Variants in BIN2 observed in about 807,000 individuals in gnomAD.
The protein encoded by BIN2 is bridging integrator 2, also known as breast cancer associated protein BRAP1.
BIN2 carries 43 observed loss-of-function variants against 67.9 expected under a neutral mutation model. That is an observed-to-expected ratio of 0.63 (90% CI 0.50 to 0.82). The LOEUF (loss-of-function observed/expected upper bound fraction) is 0.82. Among genes scored for constraint, BIN2 ranks in the 40% least tolerant of loss-of-function variants. The pLI is 0.00. For missense variants in BIN2, 581 were observed against 671.6 expected (o/e 0.87, Z 1.49); for synonymous variants, 244 against 246.8 (o/e 0.99, Z 0.11).
chr12:51,312,991 G>A (rs1231075554), intron 2 of BIN2, among the ~76,000 whole-genome samples: 1 of 152,052 alleles, frequency 6.6e-6, no homozygotes. Flanking sequence ...CCAGCACTTC[G>A]GGAGGCCAAG....
intron 10 of BIN2, among the ~76,000 whole-genome samples, chr12:51,289,155 C>T (rs11169793): frequency 0.91 from 138,146 of 152,048 alleles, 64,237 homozygotes; most frequent in East Asian, 1. Flanking sequence ...ATACTTTTTT[C>T]CCATCCCATT....
chr12:51,305,351 C>A (rs575373169), intron 2 of BIN2, among the ~76,000 whole-genome samples: 1 of 151,536 alleles, frequency 6.6e-6, no homozygotes, highest in Non-Finnish European at 1.5e-5. Flanking sequence ...AAAGGCTGGG[C>A]GCAGTGGCTC....
chr12:51,284,669 C>T lies in BIN2; in HGVS notation c.1668+47G>A, dbSNP rs1249999461. 3 of 1,454,206 alleles carry T rather than the reference C, an allele frequency of 2.1e-6. No homozygotes were observed. In the South Asian group the frequency reaches 3.4e-5, roughly 17 times the overall value. 90.1% of individuals were successfully genotyped at this position (1,454,206 alleles called of 1,614,324 possible). ...TGAAGATTCCAGCCTTTTCCCAAAC[C>T]CCTGTCAATCTAATGCCCAATCTAT... is the stretch of plus-strand genomic sequence containing the variant. On this transcript the variant is annotated intron_variant, in intron 12 of 12. Transcript: ENST00000615107.
chr12:51,315,800 G>A (rs528105125), intron 1 of BIN2, among the ~76,000 whole-genome samples: 9 of 152,266 alleles, frequency 5.9e-5, no homozygotes, highest in East Asian at 3.9e-4. Context: ...GAGCCAAACC[G>A]TCATACTGAT....
At chr12:51,283,072 T>C (rs577849810) in intron 12 of BIN2, among the ~76,000 whole-genome samples, 1 of 151,274 alleles carries the variant, frequency 6.6e-6, no homozygotes, top group South Asian at 2.1e-4. Flanking sequence ...CTGACCAACA[T>C]GGTGAAACCC....
intron 2 of BIN2, among the ~76,000 whole-genome samples, chr12:51,306,972 GT>G (rs1417959669): frequency 6.6e-6 from 1 of 152,132 alleles, no homozygotes; most frequent in East Asian, 1.9e-4. Flanking sequence ...CCTTGAAAAA[GT>G]TTTGGGGATT....
At position 51,299,294 on chromosome 12, in the gene BIN2, TG is replaced by T. The variant is rs1299164020; in HGVS notation, c.517-7del. On this transcript the variant is annotated splice_polypyrimidine_tract_variant and splice_region_variant and intron_variant, in intron 6 of 12. Coordinates refer to ENST00000615107, the MANE Select transcript of BIN2 (RefSeq NM_016293.4). Reference sequence around the variant, plus strand: ...TTGTTGAACTCTTCCTCTGCCTAGGTGGTAAAAGAGACAAGACAATCTCCCT... The same window carrying T: ...TTGTTGAACTCTTCCTCTGCCTAGGTGTAAAAGAGACAAGACAATCTCCCT... 4.3e-6 allele frequency: 7 copies of T among 1,611,448 alleles called. No individual in the cohort carries two copies. The highest frequency in any genetic ancestry group is 5.9e-6 in the Non-Finnish European group (7 of 1,177,782).
chr12:51,305,272 G>T (rs1351659814), intron 2 of BIN2, among the ~76,000 whole-genome samples: 1 of 151,744 alleles, frequency 6.6e-6, no homozygotes, highest in East Asian at 1.9e-4. Flanking sequence ...GGAGGCAGAG[G>T]TGGCAGTGAG....
chr12:51,314,018 T>G (rs555528623), intron 1 of BIN2, 115 bp from the exon 2 acceptor site: 7 of 8,532 alleles, frequency 8.2e-4, no homozygotes, highest in African/African-American at 3.8e-3. Flanking sequence ...AGGGCTGTAC[T>G]TATTTATTTA....
upstream of BIN2, chr12:51,324,347 A>G: frequency 7.6e-7 from 1 of 1,318,892 alleles, no homozygotes; most frequent in Non-Finnish European, 1.0e-6. Flanking sequence ...CCAGCTTCCG[A>G]GCTCCAACCC....
rs759592373 is a variant in BIN2 at position 51,324,124 on chromosome 12, G to A, written c.-22C>T. ...CCATCCTGCCAACTCCCTGGGGGCC[G>A]CCGCCCTGGCCCCGCGCCCTGTGGT... On this transcript the variant is annotated 5_prime_UTR_variant, in exon 1 of 13. Coordinates refer to ENST00000615107, the MANE Select transcript of BIN2 (RefSeq NM_016293.4). 8.1e-6 allele frequency: 13 copies of A among 1,610,690 alleles called. No individual in the cohort carries two copies. The highest frequency in any genetic ancestry group is 8.0e-5 in the African/African-American group (6 of 74,738).
upstream of BIN2, chr12:51,324,562 T>G (rs1229417041): frequency 1.3e-6 from 2 of 1,515,972 alleles, no homozygotes; most frequent in East Asian, 5.0e-5. Flanking sequence ...GAAGCCGCCA[T>G]GTACACTGCG....
chr12:51,324,071 C>G lies in BIN2; in HGVS notation c.32G>C (p.Gly11Ala). The G allele has an allele frequency of 6.2e-7, 1 of 1,613,470 alleles. No individual in the cohort carries two copies. Among genetic ancestry groups the G allele is most frequent in the Non-Finnish European group, 8.5e-7 (1 of 1,179,692 alleles). The change falls in exon 1 of 13, where the codon GGC (glycine) becomes GCC (alanine). Residue 11 changes from glycine to alanine, a missense_variant. Physicochemically the swap from Gly to Ala is moderately conservative, Grantham distance 60. Coordinates refer to ENST00000615107, the MANE Select transcript of BIN2 (RefSeq NM_016293.4). MAEGKAGGAA[G>A]LFAKQVQKKF... ...CTTCTGCACCTGCTTGGCGAAGAGG[C>G]CGGCCGCGCCGCCTGCCTTGCCCTC...
intron 1 of BIN2, among the ~76,000 whole-genome samples, chr12:51,320,797 CAACA>C (rs1170042059): frequency 2.0e-5 from 3 of 151,722 alleles, no homozygotes; most frequent in African/African-American, 4.9e-5. Flanking sequence ...GAGTAGATGT[CAACA>C]GAGGAGAAGA....
At chr12:51,312,871 T>C (rs1014372980) in intron 2 of BIN2, among the ~76,000 whole-genome samples, 2 of 152,198 alleles carry the variant, frequency 1.3e-5, no homozygotes, top group Non-Finnish European at 2.9e-5. Context: ...AATTAGATGA[T>C]AGCTAATAAC....
chr12:51,320,609 G>C (rs928168126), intron 1 of BIN2, among the ~76,000 whole-genome samples: 2 of 149,584 alleles, frequency 1.3e-5, no homozygotes, highest in African/African-American at 5.0e-5. Flanking sequence ...GCATCTCTCA[G>C]GTCAGTTATT....
Position 51,291,965 on chromosome 12 carries a change from A to G in BIN2, c.1141T>C (p.Ser381Pro), listed in dbSNP as rs766689090. ...AGGACTACTTCTGTGGCAGATGATG[A>G]AGGCTGCCCTGAAGGGCTCAGGGCT... is the stretch of plus-strand genomic sequence containing the variant. ...GGALSPSGQP[S>P]SSATEVVLRT... The change falls in exon 10 of 13, where the codon TCA (serine) becomes CCA (proline). Residue 381 changes from serine (S) to proline (P), a missense_variant. By Grantham distance (74) the Ser-to-Pro change is moderately conservative (BLOSUM62 -1). Transcript: ENST00000615107. The G allele has an allele frequency of 6.8e-6, 11 of 1,614,058 alleles. No homozygotes were observed. The highest frequency in any genetic ancestry group is 6.8e-6 in the Non-Finnish European group (8 of 1,179,986).
intron 1 of BIN2, among the ~76,000 whole-genome samples, chr12:51,317,812 C>A (rs1592283247): frequency 6.6e-6 from 1 of 151,846 alleles, no homozygotes. Flanking sequence ...CACGATGAAA[C>A]CCCGTCTCTA....
chr12:51,300,850 A>G (rs1330732121), intron 5 of BIN2, among the ~76,000 whole-genome samples: 1 of 152,188 alleles, frequency 6.6e-6, no homozygotes, highest in African/African-American at 2.4e-5. Flanking sequence ...GGAAAGCTTT[A>G]ACTATTAGGA....
Sources: allele counts gnomAD v4.1 joint callset (sites outside exome capture counted in the v4.1 genomes callset), GRCh38; gene constraint gnomAD v4.1.1; transcripts MANE v1.5; gene names NCBI Gene and HGNC (gene_info 2026-07-23, HGNC 2026-07-21).